The following RALYL variants were observed in gnomAD, a reference collection of about 807,000 sequenced individuals.
RALYL encodes the protein RALY RNA binding protein like.
Under a neutral mutation model 35.1 loss-of-function variants are expected in RALYL, and 29 were observed. That is an observed-to-expected ratio of 0.83 (90% CI 0.61 to 1.13). The LOEUF is 1.13. Ranked by LOEUF, RALYL falls within the 50% of genes most tolerant of loss-of-function variation. The pLI is 0.00. For synonymous variants in RALYL, 120 were observed against 127.6 expected (o/e 0.94, Z 0.40); for missense variants, 359 against 360.4 (o/e 1.00, Z 0.03).
intron 3 of RALYL, among the ~76,000 whole-genome samples, chr8:84,779,392 A>AT (rs1007869914): frequency 4.6e-5 from 7 of 152,072 alleles, no homozygotes; most frequent in Admixed American, 1.3e-4. Flanking sequence ...ACAACAATGG[A>AT]TTTTTTTTCA....
chr8:84,463,396 C>G (rs62526853), intron 1 of RALYL, among the ~76,000 whole-genome samples: 1 of 151,952 alleles, frequency 6.6e-6, no homozygotes, highest in Non-Finnish European at 1.5e-5. Context: ...TAACATTTGC[C>G]TGTTGGTCAT....
At chr8:84,224,290 T>A (rs1187985819) in intron 1 of RALYL, among the ~76,000 whole-genome samples, 2 of 152,186 alleles carry the variant, frequency 1.3e-5, no homozygotes, top group Admixed American at 1.3e-4. Context: ...TGTACAGCTC[T>A]CAACCCCAGG....
chr8:84,592,984 A>G (rs1208959029), intron 2 of RALYL, among the ~76,000 whole-genome samples: 2 of 152,126 alleles, frequency 1.3e-5, no homozygotes, highest in East Asian at 3.8e-4. Context: ...TACTGACTGC[A>G]CTGGTGAACT....
chr8:84,517,128 T>C (rs186264127), intron 1 of RALYL, among the ~76,000 whole-genome samples: 1 of 152,280 alleles, frequency 6.6e-6, no homozygotes, highest in East Asian at 1.9e-4. Context: ...CCTGAGTGCA[T>C]AAAATATACA....
intron 2 of RALYL, among the ~76,000 whole-genome samples, chr8:84,637,268 A>G (rs763694987): frequency 6.6e-6 from 1 of 151,924 alleles, no homozygotes; most frequent in Non-Finnish European, 1.5e-5. Context: ...TGCCCTTTCA[A>G]ACCTGTGTTT....
intron 2 of RALYL, among the ~76,000 whole-genome samples, chr8:84,675,875 G>A (rs1047762173): frequency 6.6e-5 from 10 of 152,028 alleles, no homozygotes; most frequent in South Asian, 2.1e-4. Context: ...CGTGTACTGC[G>A]TAGATTTGTA....
chr8:84,869,455 T>C (rs924510595), intron 6 of RALYL, among the ~76,000 whole-genome samples: 3 of 152,208 alleles, frequency 2.0e-5, no homozygotes, highest in Admixed American at 6.5e-5. Context: ...ATAAACATTT[T>C]TCAGTTTTCT....
At chr8:84,677,423 A>C (rs2131909553) in intron 2 of RALYL, among the ~76,000 whole-genome samples, 1 of 152,338 alleles carries the variant, frequency 6.6e-6, no homozygotes, top group Admixed American at 6.5e-5. Context: ...AAGGAAATAA[A>C]AGTATAAATG....
chr8:84,810,763 G>A (rs1825725728), intron 4 of RALYL, among the ~76,000 whole-genome samples: 1 of 152,054 alleles, frequency 6.6e-6, no homozygotes, highest in African/African-American at 2.4e-5. Flanking sequence ...TCTTTTAACT[G>A]CTGTTACTTT....
At chr8:84,591,499 A>T (rs916125875) in intron 2 of RALYL, among the ~76,000 whole-genome samples, 2 of 152,156 alleles carry the variant, frequency 1.3e-5, no homozygotes, top group African/African-American at 4.8e-5. Flanking sequence ...AAGTTTGCAT[A>T]AGGAACCCAA....
At chr8:84,192,572 T>C (rs892438743) in intron 1 of RALYL, among the ~76,000 whole-genome samples, 3 of 152,064 alleles carry the variant, frequency 2.0e-5, no homozygotes, top group Non-Finnish European at 4.4e-5. Flanking sequence ...TTCTTTCTTT[T>C]TTTGAGACAA....
At chr8:84,553,216 C>T (rs2060870419) in intron 2 of RALYL, among the ~76,000 whole-genome samples, 1 of 152,192 alleles carries the variant, frequency 6.6e-6, no homozygotes, top group African/African-American at 2.4e-5. Flanking sequence ...CCCTGGAGTG[C>T]AGTGGCACAA....
intron 1 of RALYL, among the ~76,000 whole-genome samples, chr8:84,413,053 A>G (rs2044256713): frequency 6.6e-6 from 1 of 151,380 alleles, no homozygotes; most frequent in African/African-American, 2.4e-5. Context: ...AATGCTTACT[A>G]TCATCCCTTT....
In RALYL at chr8:84,907,581, C is replaced by T. The variant is rs563816235; in HGVS notation, c.859-13313C>T. Among the ~76,000 whole-genome samples the T allele has an allele frequency of 1.4e-4, 22 of 152,146 alleles. No homozygotes were observed. The South Asian group carries it at 4.6e-3, about 32-fold the overall frequency. The stretch of plus-strand genomic sequence containing the variant: ...CACTGCTCATAAGAGGCAGAATCAA[C>T]CTGCAGTCAGGGTCCGTAAGATTCT... On this transcript the variant is annotated intron_variant, in intron 8 of 8. Transcript: ENST00000521268.
At chr8:84,679,915 T>C (rs146454122) in intron 2 of RALYL, 9,768 of 328,650 alleles carry the variant, frequency 0.03, 376 homozygotes, top group African/African-American at 0.11. Context: ...GTTTGTTACA[T>C]GTATATACAT....
intron 3 of RALYL, among the ~76,000 whole-genome samples, chr8:84,788,541 CTGG>C (rs1329721883): frequency 6.6e-6 from 1 of 152,168 alleles, no homozygotes; most frequent in Non-Finnish European, 1.5e-5. Flanking sequence ...GGAGGTGGGG[CTGG>C]TGTTAAGCAA....
At chr8:84,244,049 A>T (rs931358715) in intron 1 of RALYL, among the ~76,000 whole-genome samples, 5 of 151,578 alleles carry the variant, frequency 3.3e-5, no homozygotes, top group African/African-American at 1.2e-4. Context: ...TTTTTTCTTT[A>T]CTACCATTTA....
chr8:84,561,911 G>A (rs1374074038), intron 2 of RALYL, among the ~76,000 whole-genome samples: 1 of 151,952 alleles, frequency 6.6e-6, no homozygotes, highest in African/African-American at 2.4e-5. Context: ...TTGACCTCCA[G>A]GTACTTTGAA....
chr8:84,497,016 G>T (rs1382661466), intron 1 of RALYL, among the ~76,000 whole-genome samples: 5 of 152,118 alleles, frequency 3.3e-5, no homozygotes, highest in Admixed American at 3.3e-4. Flanking sequence ...ATTAGTAACT[G>T]CTTGAGTACT....
Sources: gnomAD v4.1 joint callset for allele counts (sites outside exome capture counted in the v4.1 genomes callset) on GRCh38, gnomAD v4.1.1 for gene constraint, MANE v1.5 for transcripts, NCBI Gene and HGNC (gene_info 2026-07-23, HGNC 2026-07-21) for gene names.